The following PTPRD variants were observed in gnomAD, a reference collection of about 807,000 sequenced individuals.
PTPRD encodes the protein receptor-type tyrosine-protein phosphatase delta.
Under a neutral mutation model 214.5 loss-of-function variants are expected in PTPRD, and 34 were observed. The observed-to-expected ratio is 0.16, with a 90% CI of 0.12 to 0.21. The LOEUF (loss-of-function observed/expected upper bound fraction) is 0.21, where lower values mean the gene tolerates loss of function less well. PTPRD is among the 10% of genes least tolerant of loss of function. The probability of loss-of-function intolerance (pLI) is 1.00; values close to 1 mark genes in which losing one functional copy is unlikely to be tolerated. For synonymous variants in PTPRD, 1,128 were observed against 845.7 expected (o/e 1.33, Z -5.79); for missense variants, 2,545 against 2,398.7 (o/e 1.06, Z -1.27).
chr9:10,478,759 C>T (rs2099078823), intron 2 of PTPRD, among the ~76,000 whole-genome samples: 1 of 151,402 alleles, frequency 6.6e-6, no homozygotes, highest in African/African-American at 2.4e-5. Context: ...TATATATTCA[C>T]TCAAATAAGT....
chr9:10,260,734 C>G (rs1204791096), intron 3 of PTPRD, among the ~76,000 whole-genome samples: 3 of 151,948 alleles, frequency 2.0e-5, no homozygotes, highest in African/African-American at 7.2e-5. Flanking sequence ...ATGCAAGTTC[C>G]CATTAACATA....
chr9:9,079,108 A>T (rs1325753806), intron 10 of PTPRD, among the ~76,000 whole-genome samples: 4 of 152,046 alleles, frequency 2.6e-5, no homozygotes, highest in African/African-American at 4.8e-5. Flanking sequence ...TATTACTGTT[A>T]ACTATGGTCA....
chr9:9,404,105 G>T (rs560382847), intron 8 of PTPRD, among the ~76,000 whole-genome samples: 1 of 152,042 alleles, frequency 6.6e-6, no homozygotes, highest in South Asian at 2.1e-4. Flanking sequence ...GAACAGAGTG[G>T]TAAAAAATAC....
intron 2 of PTPRD, among the ~76,000 whole-genome samples, chr9:10,511,532 T>C (rs1589771953): frequency 6.6e-6 from 1 of 151,012 alleles, no homozygotes; most frequent in East Asian, 2.0e-4. Flanking sequence ...GCCTCCTGAG[T>C]AGCTAGGACT....
intron 14 of PTPRD, among the ~76,000 whole-genome samples, chr9:8,549,691 A>C (rs936340851): frequency 6.6e-6 from 1 of 152,212 alleles, no homozygotes; most frequent in African/African-American, 2.4e-5. Context: ...AAATAAACAC[A>C]AGATATAAAC....
intron 2 of PTPRD, among the ~76,000 whole-genome samples, chr9:10,590,599 T>C (rs2075188497): frequency 6.6e-6 from 1 of 152,034 alleles, no homozygotes; most frequent in Non-Finnish European, 1.5e-5. Flanking sequence ...CTTCTTTTTG[T>C]AAACACTATC....
At chr9:9,618,548 G>A (rs1018999806) in intron 7 of PTPRD, among the ~76,000 whole-genome samples, 2 of 152,112 alleles carry the variant, frequency 1.3e-5, no homozygotes, top group African/African-American at 4.8e-5. Flanking sequence ...AACTGATCTT[G>A]ATGTGGAAAG....
At chr9:8,915,772 C>G (rs2098781381) in intron 11 of PTPRD, among the ~76,000 whole-genome samples, 1 of 152,146 alleles carries the variant, frequency 6.6e-6, no homozygotes, top group Non-Finnish European at 1.5e-5. Context: ...TCTACTTAGG[C>G]TTTCAAGTGA....
chr9:9,900,549 C>T (rs2076140416), intron 5 of PTPRD, among the ~76,000 whole-genome samples: 1 of 152,144 alleles, frequency 6.6e-6, no homozygotes, highest in Non-Finnish European at 1.5e-5. Flanking sequence ...AAGTTCTAAA[C>T]TTTCTTTCGT....
intron 8 of PTPRD, among the ~76,000 whole-genome samples, chr9:9,460,435 C>G (rs1026366585): frequency 1.3e-5 from 2 of 151,684 alleles, no homozygotes; most frequent in Non-Finnish European, 2.9e-5. Flanking sequence ...ACTAACCATC[C>G]AAAAAAGAAC....
rs984987118 is a variant in PTPRD, at chr9:8,320,108, C to T, written c.5535-142G>A. 1.6e-5 allele frequency: 16 copies of T among 1,012,288 alleles called. No individual in the cohort carries two copies. In the African/African-American group the frequency reaches 2.0e-4, roughly 13 times the overall value. 62.7% of individuals were successfully genotyped at this position (1,012,288 alleles called of 1,614,324 possible). A position where few individuals can be genotyped will look rare whatever the true frequency, so the allele number is the denominator to read the frequency against. ...ATTCAGGAAAACATGGTATCACATT[C>T]ATCAAATGATTACTCTTGGGATACT... On this transcript the variant is annotated intron_variant, in intron 44 of 45. Transcript: ENST00000381196.
chr9:8,592,000 C>A (rs1412877201), intron 14 of PTPRD, among the ~76,000 whole-genome samples: 1 of 152,074 alleles, frequency 6.6e-6, no homozygotes, highest in Non-Finnish European at 1.5e-5. Flanking sequence ...TAATTCCAGT[C>A]CAGCCTTGTA....
At chr9:10,568,697 G>A (rs923912035) in intron 2 of PTPRD, among the ~76,000 whole-genome samples, 1 of 152,116 alleles carries the variant, frequency 6.6e-6, no homozygotes, top group Admixed American at 6.6e-5. Flanking sequence ...AATAAATGGT[G>A]CTGGGAAAAC....
At chr9:8,902,324 TC>T (rs1476521353) in intron 11 of PTPRD, among the ~76,000 whole-genome samples, 11 of 148,154 alleles carry the variant, frequency 7.4e-5, no homozygotes, top group African/African-American at 2.7e-4. Flanking sequence ...TTGGCATTTT[TC>T]TTTTCTTTTC....
chr9:9,612,739 T>C (rs915445486), intron 7 of PTPRD, among the ~76,000 whole-genome samples: 3 of 152,088 alleles, frequency 2.0e-5, no homozygotes, highest in Admixed American at 1.3e-4. Context: ...AGGAGATACA[T>C]AATTCTTCAA....
intron 3 of PTPRD, among the ~76,000 whole-genome samples, chr9:10,086,005 T>C (rs535783176): frequency 6.6e-6 from 1 of 151,746 alleles, no homozygotes; most frequent in Non-Finnish European, 1.5e-5. Flanking sequence ...GGTGGTGCAA[T>C]TTAATGACTA....
chr9:9,970,068 G>C (rs1478124570), intron 4 of PTPRD, among the ~76,000 whole-genome samples: 2 of 152,102 alleles, frequency 1.3e-5, no homozygotes, highest in African/African-American at 4.8e-5. Context: ...AGGTGAAAAG[G>C]AGACCGTTTG....
chr9:8,539,206 A>G (rs1015950681), intron 14 of PTPRD, among the ~76,000 whole-genome samples: 1 of 152,034 alleles, frequency 6.6e-6, no homozygotes, highest in Non-Finnish European at 1.5e-5. Context: ...TTCAGGAGAA[A>G]TAGTATCTTT....
At chr9:9,738,201 A>C (rs1156330827) in intron 6 of PTPRD, among the ~76,000 whole-genome samples, 5 of 152,264 alleles carry the variant, frequency 3.3e-5, no homozygotes, top group Non-Finnish European at 7.3e-5. Flanking sequence ...ATGTATACAT[A>C]TGTAACAAAC....
Sources: allele counts gnomAD v4.1 joint callset (sites outside exome capture counted in the v4.1 genomes callset), GRCh38; gene constraint gnomAD v4.1.1; transcripts MANE v1.5; gene names NCBI Gene and HGNC (gene_info 2026-07-23, HGNC 2026-07-21).